Variants in CACNB4 observed in about 807,000 individuals in gnomAD.
The protein encoded by CACNB4 is voltage-dependent L-type calcium channel subunit beta-4.
CACNB4 carries 32 observed loss-of-function variants against 71.2 expected under a neutral mutation model. The observed-to-expected ratio is 0.45, with a 90% CI of 0.34 to 0.60. CACNB4 has a LOEUF of 0.60. Among genes scored for constraint, CACNB4 ranks in the 20% least tolerant of loss-of-function variants. The probability of loss-of-function intolerance (pLI) is 0.01; values close to 1 mark genes in which losing one functional copy is unlikely to be tolerated. For missense variants in CACNB4, 464 were observed against 647.9 expected, an observed-to-expected ratio of 0.72 and a Z score of 3.08; for synonymous variants, 231 against 236.9, an observed-to-expected ratio of 0.97 and a Z score of 0.23.
chr2:151,979,361 T>TA (rs937392260), intron 2 of CACNB4, among the ~76,000 whole-genome samples: 2 of 150,652 alleles, frequency 1.3e-5, no homozygotes, highest in South Asian at 2.1e-4. Context: ...GTAGGCAAGG[T>TA]AAAAAAAATT....
intron 2 of CACNB4, among the ~76,000 whole-genome samples, chr2:151,999,454 T>C (rs556523808): frequency 1.2e-3 from 179 of 152,142 alleles, no homozygotes; most frequent in African/African-American, 4.2e-3. Flanking sequence ...TAAATACTTA[T>C]GTCATTCCAG....
At chr2:151,916,173 G>A (rs924957356) in intron 2 of CACNB4, among the ~76,000 whole-genome samples, 9 of 152,154 alleles carry the variant, frequency 5.9e-5, no homozygotes, top group Admixed American at 1.3e-4. Context: ...TCCAAAAGCC[G>A]CTGCTTCTAG....
chr2:151,954,205 T>G (rs536111629), intron 2 of CACNB4, among the ~76,000 whole-genome samples: 1 of 152,366 alleles, frequency 6.6e-6, no homozygotes, highest in South Asian at 2.1e-4. Flanking sequence ...AGCTCCTCGT[T>G]CTAAACCAGA....
intron 2 of CACNB4, among the ~76,000 whole-genome samples, chr2:151,961,657 G>A (rs1000899103): frequency 3.9e-5 from 6 of 152,110 alleles, no homozygotes; most frequent in African/African-American, 7.2e-5. Flanking sequence ...TTGGGAAGCC[G>A]AGGCAGGAGG....
At chr2:151,966,283 T>C (rs767529552) in intron 2 of CACNB4, among the ~76,000 whole-genome samples, 1 of 152,012 alleles carries the variant, frequency 6.6e-6, no homozygotes. Context: ...TTTTCTTTTA[T>C]TTATTTATTT....
At chr2:151,889,147 C>T (rs1325460872) in intron 2 of CACNB4, among the ~76,000 whole-genome samples, 3 of 152,176 alleles carry the variant, frequency 2.0e-5, no homozygotes, top group Admixed American at 2.0e-4. Context: ...TAAACGAACG[C>T]TAATCTTGGT....
upstream of CACNB4, chr2:152,099,052 G>C: frequency 7.1e-7 from 1 of 1,408,948 alleles, no homozygotes; most frequent in Non-Finnish European, 9.6e-7. Context: ...TGCGGTGGGC[G>C]GAGGGGGCTG....
chr2:151,851,133 T>C (rs1423918294), intron 12 of CACNB4: 1 of 152,232 alleles, frequency 6.6e-6, no homozygotes, highest in African/African-American at 2.4e-5. Context: ...AATGACACAG[T>C]GATCACCAAT....
chr2:151,970,345 T>A (rs1371011357), intron 2 of CACNB4: 1 of 152,182 alleles, frequency 6.6e-6, no homozygotes, highest in Non-Finnish European at 1.5e-5. Flanking sequence ...CAATGACTAT[T>A]TCTGGGTGGT....
chr2:151,865,611 G>T (rs1230153648), intron 9 of CACNB4, among the ~76,000 whole-genome samples: 1 of 152,122 alleles, frequency 6.6e-6, no homozygotes, highest in Non-Finnish European at 1.5e-5. Context: ...CATCCAAATG[G>T]GTAATCCCCA....
intron 2 of CACNB4, among the ~76,000 whole-genome samples, chr2:152,045,608 TACC>T (rs1367329284): frequency 1.4e-5 from 1 of 72,866 alleles, no homozygotes; most frequent in African/African-American, 5.0e-5. Flanking sequence ...ATGGATATTT[TACC>T]ACATTTTAAA....
chr2:151,991,744 T>A (rs1219923613), intron 2 of CACNB4, among the ~76,000 whole-genome samples: 1 of 152,238 alleles, frequency 6.6e-6, no homozygotes, highest in Non-Finnish European at 1.5e-5. Flanking sequence ...AAAAACTATC[T>A]TTCTCTATAG....
At chr2:152,049,610 A>G (rs1166231935) in intron 2 of CACNB4, among the ~76,000 whole-genome samples, 1 of 141,834 alleles carries the variant, frequency 7.1e-6, no homozygotes. Flanking sequence ...TCCCTTCCTC[A>G]TTTTCTCTCT....
intron 9 of CACNB4, chr2:151,861,502 T>C (rs1400778063): frequency 6.6e-6 from 1 of 152,194 alleles, no homozygotes; most frequent in Non-Finnish European, 1.5e-5. Context: ...GTGAGTATTG[T>C]GCCAGGATTT....
rs1358879476 is a variant in CACNB4 at position 151,851,259 on chromosome 2, G to A, written c.1116+2189C>T. On this transcript the variant is annotated intron_variant, in intron 12 of 13. Coordinates refer to ENST00000539935, the MANE Select transcript of CACNB4 (RefSeq NM_000726.5). ...AGATTTCTTCACACATGCCAAAATAGAGGATACTATTCCTCCTCAGCATTA... is the reference window on the plus strand; with the variant it reads ...AGATTTCTTCACACATGCCAAAATAAAGGATACTATTCCTCCTCAGCATTA... 2.6e-5 allele frequency: 4 copies of A among 152,306 alleles called. No homozygotes were observed. In the East Asian group the frequency reaches 7.7e-4, roughly 29 times the overall value. 9.4% of individuals were successfully genotyped at this position (152,306 alleles called of 1,614,324 possible). A position where few individuals can be genotyped will look rare whatever the true frequency, so the allele number is the denominator to read the frequency against.
chr2:151,920,842 T>C (rs569654567), intron 2 of CACNB4, among the ~76,000 whole-genome samples: 1 of 152,202 alleles, frequency 6.6e-6, no homozygotes, highest in South Asian at 2.1e-4. Flanking sequence ...TTTTGCCATC[T>C]TAAAACTTAC....
intron 2 of CACNB4, chr2:151,971,483 C>T (rs879050699): frequency 9.4e-5 from 66 of 702,598 alleles, no homozygotes; most frequent in South Asian, 4.4e-4. Flanking sequence ...AGCCTTTCCA[C>T]GCCTATCCAC....
At chr2:151,999,275 TAAA>T (rs1342812079) in intron 2 of CACNB4, among the ~76,000 whole-genome samples, 1 of 152,106 alleles carries the variant, frequency 6.6e-6, no homozygotes, top group Non-Finnish European at 1.5e-5. Context: ...CTCTATCTTT[TAAA>T]ATCCAGTCCC....
At chr2:152,016,561 T>C (rs1378578990) in intron 2 of CACNB4, among the ~76,000 whole-genome samples, 1 of 152,214 alleles carries the variant, frequency 6.6e-6, no homozygotes, top group Non-Finnish European at 1.5e-5. Context: ...TTAAGGCTCA[T>C]GACAGTGATA....
Sources: allele counts gnomAD v4.1 joint callset (sites outside exome capture counted in the v4.1 genomes callset), GRCh38; gene constraint gnomAD v4.1.1; transcripts MANE v1.5; gene names NCBI Gene and HGNC (gene_info 2026-07-23, HGNC 2026-07-21).